Variants in PLEKHM3 observed in about 807,000 individuals in gnomAD.
The protein encoded by PLEKHM3 is pleckstrin homology domain containing M3.
In PLEKHM3, 45 loss-of-function variants were observed where a neutral mutation model predicts 81.8. The ratio of observed to expected loss-of-function variants is 0.55; its 90% CI spans 0.43 to 0.71. The LOEUF is 0.71. PLEKHM3 is among the 30% of genes least tolerant of loss of function. The probability of loss-of-function intolerance (pLI) is 0.00; values close to 1 mark genes in which losing one functional copy is unlikely to be tolerated. For synonymous variants in PLEKHM3, 352 were observed against 356.4 expected (o/e 0.99, Z 0.14); for missense variants, 788 against 924.3 (o/e 0.85, Z 1.91).
At chr2:207,989,576 T>A (rs1405739490) in intron 2 of PLEKHM3, among the ~76,000 whole-genome samples, 2 of 152,024 alleles carry the variant, frequency 1.3e-5, no homozygotes, top group African/African-American at 4.8e-5. Flanking sequence ...CTAATCTGAG[T>A]CCTCAACACT....
chr2:208,001,142 C>T lies in PLEKHM3; in HGVS notation c.498G>A (p.Thr166=), dbSNP rs779299595. 5.0e-6 allele frequency: 8 copies of T among 1,611,486 alleles called. No homozygotes were observed. The highest frequency in any genetic ancestry group is 1.3e-5 in the African/African-American group (1 of 74,798). The stretch of plus-strand genomic sequence containing the variant: ...GCTGCTGTTGCTGCTGCTGCAAAGG[C>T]GTGGTTTTGAGGACTACCCTCCAGT... ...QVDWRVVLKT[T]PLQQQQQQQP... Residue 166 remains threonine (T), a synonymous_variant, in exon 2 of 8, where the codon ACG becomes ACA. Transcript: ENST00000427836.
At chr2:207,995,125 A>AATT (rs1692027813) in intron 2 of PLEKHM3, among the ~76,000 whole-genome samples, 2 of 152,172 alleles carry the variant, frequency 1.3e-5, no homozygotes, top group Non-Finnish European at 2.9e-5. Flanking sequence ...GCTAACATTA[A>AATT]AGAGTATGAA....
At chr2:207,990,909 A>G (rs1383850473) in intron 2 of PLEKHM3, among the ~76,000 whole-genome samples, 1 of 152,220 alleles carries the variant, frequency 6.6e-6, no homozygotes, top group African/African-American at 2.4e-5. Context: ...TCTAGTGGAA[A>G]CAGACCTGTA....
At chr2:208,017,440 C>G (rs1692959278) in intron 1 of PLEKHM3, among the ~76,000 whole-genome samples, 1 of 152,112 alleles carries the variant, frequency 6.6e-6, no homozygotes, top group Non-Finnish European at 1.5e-5. Context: ...AAGGTTCCTC[C>G]AGCATTTTCA....
intron 3 of PLEKHM3, among the ~76,000 whole-genome samples, chr2:207,957,438 C>T (rs898226067): frequency 1.3e-5 from 2 of 152,202 alleles, no homozygotes; most frequent in Non-Finnish European, 2.9e-5. Flanking sequence ...GTGGCTCACG[C>T]CTGTAATCCC....
chr2:207,829,221 T>G (rs1405588822), intron 7 of PLEKHM3, among the ~76,000 whole-genome samples: 1 of 152,210 alleles, frequency 6.6e-6, no homozygotes, highest in Non-Finnish European at 1.5e-5. Flanking sequence ...GTTGTTTGGC[T>G]TGGTGGAAGC....
At position 207,868,287 on chromosome 2, in the gene PLEKHM3, A is replaced by T. The variant is rs569458766; in HGVS notation, c.1951-7025T>A. The stretch of plus-strand genomic sequence containing the variant: ...AAGCTTATTATTATTTTTTTTTTTT[A>T]AATCTAAACATGGTAGAGTTTTTGC... On this transcript the variant is annotated intron_variant, in intron 6 of 7. Transcript: ENST00000427836. 1.0e-3 allele frequency among the ~76,000 whole-genome samples: 148 copies of T among 141,288 alleles called. 2 individuals carry two copies. The Middle Eastern group carries it at 0.011, about 11-fold the overall frequency. The allele number at this position is 141,288 out of a possible 152,430, so 92.7% of individuals were successfully genotyped here.
At chr2:207,981,001 G>A (rs910068244) in intron 2 of PLEKHM3, among the ~76,000 whole-genome samples, 2 of 151,632 alleles carry the variant, frequency 1.3e-5, no homozygotes, top group African/African-American at 4.8e-5. Context: ...GGTGGTGTGT[G>A]CCTGTAATCC....
At chr2:207,830,529 C>T (rs948764886) in intron 7 of PLEKHM3, among the ~76,000 whole-genome samples, 1 of 150,760 alleles carries the variant, frequency 6.6e-6, no homozygotes, top group Non-Finnish European at 1.5e-5. Flanking sequence ...AGGAGAATTG[C>T]TTGAACCCGG....
chr2:207,915,398 C>A (rs551236955), intron 5 of PLEKHM3, among the ~76,000 whole-genome samples: 1 of 152,234 alleles, frequency 6.6e-6, no homozygotes, highest in Admixed American at 6.5e-5. Context: ...TAAATCAAGA[C>A]TTATTTAACT....
intron 6 of PLEKHM3, among the ~76,000 whole-genome samples, chr2:207,866,645 C>T (rs928452686): frequency 7.2e-5 from 11 of 152,180 alleles, no homozygotes; most frequent in African/African-American, 2.4e-4. Flanking sequence ...CATGTACCTC[C>T]TGTTGTGAGC....
chr2:207,935,299 C>T (rs1023313892), intron 4 of PLEKHM3, among the ~76,000 whole-genome samples: 2 of 152,194 alleles, frequency 1.3e-5, no homozygotes, highest in African/African-American at 4.8e-5. Flanking sequence ...CCAGCCACTT[C>T]TCAAAGCTAT....
At chr2:207,985,318 A>G (rs749685539) in intron 2 of PLEKHM3, among the ~76,000 whole-genome samples, 36 of 151,884 alleles carry the variant, frequency 2.4e-4, no homozygotes, top group Non-Finnish European at 4.7e-4. Context: ...CATCCCTTCT[A>G]GTTGAAAACA....
intron 2 of PLEKHM3, among the ~76,000 whole-genome samples, chr2:207,983,303 G>A (rs762951349): frequency 9.9e-5 from 15 of 151,908 alleles, no homozygotes; most frequent in Middle Eastern, 3.4e-3. Context: ...CGCCCGCCTC[G>A]GCCTCCCAAA....
intron 2 of PLEKHM3, among the ~76,000 whole-genome samples, chr2:207,979,744 C>T (rs1223855254): frequency 6.6e-6 from 1 of 151,878 alleles, no homozygotes; most frequent in Admixed American, 6.6e-5. Context: ...CTAAAGATTT[C>T]TGCTTTTGAC....
At chr2:207,876,970 C>T (rs2092562799) in intron 6 of PLEKHM3, among the ~76,000 whole-genome samples, 1 of 152,066 alleles carries the variant, frequency 6.6e-6, no homozygotes, top group Non-Finnish European at 1.5e-5. Flanking sequence ...TAATTTCATA[C>T]CACTCAAAGT....
chr2:208,015,480 A>G (rs1157038821), intron 1 of PLEKHM3, among the ~76,000 whole-genome samples: 1 of 152,088 alleles, frequency 6.6e-6, no homozygotes, highest in East Asian at 1.9e-4. Context: ...ATTTACAAAA[A>G]AAAATCACCT....
intron 4 of PLEKHM3, among the ~76,000 whole-genome samples, chr2:207,933,945 G>A (rs531228371): frequency 6.6e-6 from 1 of 152,108 alleles, no homozygotes; most frequent in East Asian, 1.9e-4. Flanking sequence ...ACTAATAATC[G>A]GTGAGGGAAT....
intron 7 of PLEKHM3, among the ~76,000 whole-genome samples, chr2:207,840,799 G>GTTTTTT (rs1221570591): frequency 9.1e-5 from 10 of 109,834 alleles, no homozygotes; most frequent in South Asian, 2.9e-4. Flanking sequence ...CACTTTTTAT[G>GTTTTTT]TTTTTTTTTT....
Sources: allele counts gnomAD v4.1 joint callset (sites outside exome capture counted in the v4.1 genomes callset), GRCh38; gene constraint gnomAD v4.1.1; transcripts MANE v1.5; gene names NCBI Gene and HGNC (gene_info 2026-07-23, HGNC 2026-07-21).